ADAM10: variants seen among roughly 807,000 people sequenced by gnomAD.
ADAM10 encodes disintegrin and metalloproteinase domain-containing protein 10.
Under a neutral mutation model 90.1 loss-of-function variants are expected in ADAM10, and 17 were observed. The ratio of observed to expected loss-of-function variants is 0.19; its 90% CI spans 0.13 to 0.28. The LOEUF is 0.28. Among genes scored for constraint, ADAM10 ranks in the 10% least tolerant of loss-of-function variants. The pLI is 1.00. For missense variants in ADAM10, 610 were observed against 914.3 expected (o/e 0.67, Z 4.29); for synonymous variants, 310 against 298.6 (o/e 1.04, Z -0.40).
At position 58,597,255 on chromosome 15, in the gene ADAM10, A is replaced by G. The variant is rs1354052183; in HGVS notation, c.*292T>C. 1 of 949,900 alleles carries G rather than the reference A, an allele frequency of 1.1e-6. No homozygotes were observed. The highest frequency in any genetic ancestry group is 1.5e-6 in the Non-Finnish European group (1 of 657,138). The allele number at this position is 949,900 out of a possible 1,614,324, so 58.8% of individuals were successfully genotyped here. On this transcript the variant is annotated 3_prime_UTR_variant, in exon 16 of 16. Transcript: ENST00000260408. Reference sequence around the variant, plus strand: ...GCAAGTGAAGAAAATGCAGCAACGAAGAACAGGGAACACGGGGCACATAAT... The same window carrying G: ...GCAAGTGAAGAAAATGCAGCAACGAGGAACAGGGAACACGGGGCACATAAT...
intron 8 of ADAM10, among the ~76,000 whole-genome samples, chr15:58,640,168 T>C (rs1036411301): frequency 5.9e-5 from 9 of 152,236 alleles, no homozygotes; most frequent in African/African-American, 2.2e-4. Flanking sequence ...ATAGCTTTCA[T>C]GGCTAAGGCA....
chr15:58,657,600 T>C (rs1399103363), intron 5 of ADAM10, among the ~76,000 whole-genome samples: 1 of 152,232 alleles, frequency 6.6e-6, no homozygotes, highest in Non-Finnish European at 1.5e-5. Flanking sequence ...CTTCTCTGTG[T>C]TATCATGAAT....
chr15:58,643,167 C>A (rs1046686206), intron 7 of ADAM10, among the ~76,000 whole-genome samples: 16 of 151,894 alleles, frequency 1.1e-4, no homozygotes, highest in African/African-American at 3.9e-4. Flanking sequence ...GAAAAAATAG[C>A]CTAAATTTGT....
intron 11 of ADAM10, among the ~76,000 whole-genome samples, chr15:58,618,578 A>G (rs1013645298): frequency 6.6e-6 from 1 of 152,234 alleles, no homozygotes; most frequent in African/African-American, 2.4e-5. Context: ...TGAAGAGACG[A>G]TCTGCTGAAT....
At chr15:58,620,629 C>T (rs1022946011) in intron 11 of ADAM10, among the ~76,000 whole-genome samples, 2 of 150,808 alleles carry the variant, frequency 1.3e-5, no homozygotes, top group Non-Finnish European at 3.0e-5. Flanking sequence ...AAGATAGTTA[C>T]ATTTTCACAA....
chr15:58,603,861 T>C (rs12901989), intron 14 of ADAM10, among the ~76,000 whole-genome samples: 19,328 of 131,724 alleles, frequency 0.15, 1,626 homozygotes, highest in South Asian at 0.32. Context: ...CCTAGAAAGA[T>C]TGGGGGTCCA....
At chr15:58,600,004 G>T (rs376075596) in intron 14 of ADAM10, among the ~76,000 whole-genome samples, 2 of 152,106 alleles carry the variant, frequency 1.3e-5, no homozygotes, top group South Asian at 4.1e-4. Flanking sequence ...AACAACATTT[G>T]TCATACACAT....
chr15:58,743,630 G>C (rs1201664052), intron 1 of ADAM10, among the ~76,000 whole-genome samples: 1 of 150,634 alleles, frequency 6.6e-6, no homozygotes, highest in African/African-American at 2.4e-5. Context: ...TTGAGACGGA[G>C]TTTCACTCTT....
chr15:58,669,090 A>C (rs1023478829), intron 4 of ADAM10, among the ~76,000 whole-genome samples: 4 of 152,198 alleles, frequency 2.6e-5, no homozygotes, highest in Admixed American at 6.5e-5. Context: ...TAATTTATTA[A>C]GCAAACAATT....
chr15:58,740,543 C>T (rs1177663410), intron 1 of ADAM10, among the ~76,000 whole-genome samples: 2 of 152,022 alleles, frequency 1.3e-5, no homozygotes, highest in Non-Finnish European at 2.9e-5. Context: ...TGCGTTTTAA[C>T]TACACTTTAC....
chr15:58,651,150 G>A (rs1187543985), intron 5 of ADAM10, among the ~76,000 whole-genome samples: 1 of 151,112 alleles, frequency 6.6e-6, no homozygotes, highest in Middle Eastern at 3.2e-3. Flanking sequence ...ATATTTATGG[G>A]GTACATAAGA....
chr15:58,746,705 G>C (rs1316682442), intron 1 of ADAM10, among the ~76,000 whole-genome samples: 2 of 152,178 alleles, frequency 1.3e-5, no homozygotes, highest in African/African-American at 4.8e-5. Flanking sequence ...GGGACGAGGA[G>C]TTTGAGACCA....
intron 15 of ADAM10, among the ~76,000 whole-genome samples, chr15:58,599,164 AGAAG>A (rs1435880422): frequency 7.5e-6 from 1 of 133,244 alleles, no homozygotes. Context: ...AAAAAGAAAA[AGAAG>A]GAAGGGAGGG....
intron 5 of ADAM10, among the ~76,000 whole-genome samples, chr15:58,653,381 G>A (rs1896735074): frequency 6.6e-6 from 1 of 152,120 alleles, no homozygotes; most frequent in Admixed American, 6.5e-5. Context: ...ATTATGTTGA[G>A]ATACGTACCT....
chr15:58,644,268 TG>T (rs1896492362), intron 6 of ADAM10, among the ~76,000 whole-genome samples: 1 of 151,522 alleles, frequency 6.6e-6, no homozygotes, highest in Non-Finnish European at 1.5e-5. Flanking sequence ...CTTGCTCTGT[TG>T]CCCACGCTGG....
At chr15:58,746,035 T>A (rs1411365916) in intron 1 of ADAM10, among the ~76,000 whole-genome samples, 1 of 152,212 alleles carries the variant, frequency 6.6e-6, no homozygotes, top group Non-Finnish European at 1.5e-5. Context: ...ACCTTTGAGC[T>A]AATGTATGAA....
intron 2 of ADAM10, chr15:58,692,113 A>G (rs1232373698): frequency 4.0e-6 from 2 of 495,356 alleles, no homozygotes; most frequent in Admixed American, 4.5e-5. Flanking sequence ...GCATCAAATC[A>G]TCAAAGCTGT....
chr15:58,740,898 TA>T (rs1328633819), intron 1 of ADAM10, among the ~76,000 whole-genome samples: 1 of 152,222 alleles, frequency 6.6e-6, no homozygotes, highest in East Asian at 1.9e-4. Context: ...CTACTAAAAA[TA>T]GATTTTATCC....
chr15:58,686,614 C>G, intron 2 of ADAM10: 1 of 920,270 alleles, frequency 1.1e-6, no homozygotes, highest in Non-Finnish European at 1.8e-6. Flanking sequence ...GTGCTTTACT[C>G]TGAAGACTCT....
Sources: allele counts gnomAD v4.1 joint callset (sites outside exome capture counted in the v4.1 genomes callset), GRCh38; gene constraint gnomAD v4.1.1; transcripts MANE v1.5; gene names NCBI Gene and HGNC (gene_info 2026-07-23, HGNC 2026-07-21).